The following ZNF536 variants were observed in gnomAD, a reference collection of about 807,000 sequenced individuals.
ZNF536 encodes zinc finger protein 536.
Under a neutral mutation model 84.5 loss-of-function variants are expected in ZNF536, and 13 were observed. The observed-to-expected ratio is 0.15, with a 90% CI of 0.10 to 0.24. ZNF536 has a LOEUF of 0.24. Among genes scored for constraint, ZNF536 ranks in the 10% least tolerant of loss-of-function variants. The probability of loss-of-function intolerance (pLI) is 1.00; values close to 1 mark genes in which losing one functional copy is unlikely to be tolerated. For synonymous variants in ZNF536, 811 were observed against 742.5 expected (o/e 1.09, Z -1.50); for missense variants, 1,536 against 1,747.5 (o/e 0.88, Z 2.16).
intron 3 of ZNF536, among the ~76,000 whole-genome samples, chr19:30,360,927 C>T (rs756886129): frequency 2.0e-5 from 3 of 152,230 alleles, no homozygotes; most frequent in Non-Finnish European, 4.4e-5. Flanking sequence ...ACTGCTGTTT[C>T]CTGTCCTTTA....
At chr19:30,436,810 C>T (rs1295713780) in intron 1 of ZNF536, among the ~76,000 whole-genome samples, 1 of 152,124 alleles carries the variant, frequency 6.6e-6, no homozygotes, top group Non-Finnish European at 1.5e-5. Context: ...ATGGGGTCTG[C>T]CTGTTACTAG....
chr19:30,446,673 G>A lies in ZNF536; in HGVS notation c.2170+941G>A, dbSNP rs1005924397. On this transcript the variant is annotated intron_variant, in intron 2 of 4. Transcript: ENST00000355537. The stretch of plus-strand genomic sequence containing the variant: ...AAGTACAGGCATTTGAAACACAGAC[G>A]CATGACTGTTCTGTCTTAAATTGTA... Among the ~76,000 whole-genome samples the A allele has an allele frequency of 4.6e-5, 7 of 152,152 alleles. No individual in the cohort carries two copies. The South Asian group carries it at 8.3e-4, about 18-fold the overall frequency.
chr19:30,520,700 A>T (rs1200903229), intron 2 of ZNF536, among the ~76,000 whole-genome samples: 1 of 151,318 alleles, frequency 6.6e-6, no homozygotes, highest in Non-Finnish European at 1.5e-5. Context: ...TCCTATGGTG[A>T]CTCCATGACA....
At chr19:30,384,156 C>CTTTCT (rs2049216337) in intron 1 of ZNF536, among the ~76,000 whole-genome samples, 1 of 86,106 alleles carries the variant, frequency 1.2e-5, no homozygotes, top group African/African-American at 5.0e-5. Context: ...TTCTTTCTTT[C>CTTTCT]TTTCTTTCGT....
At chr19:30,563,273 A>T (rs1188486837) in intron 1 of ZNF536, among the ~76,000 whole-genome samples, 1 of 152,156 alleles carries the variant, frequency 6.6e-6, no homozygotes, top group Non-Finnish European at 1.5e-5. Context: ...GATTCTTCCC[A>T]TCCCTGGGGT....
At chr19:30,506,373 T>C (rs1201977612) in intron 2 of ZNF536, among the ~76,000 whole-genome samples, 1 of 152,192 alleles carries the variant, frequency 6.6e-6, no homozygotes, top group African/African-American at 2.4e-5. Context: ...AACAACAAAA[T>C]CTAAGCTAGT....
chr19:30,252,273 A>C (rs1168104584), intron 1 of ZNF536, among the ~76,000 whole-genome samples: 1 of 152,236 alleles, frequency 6.6e-6, no homozygotes, highest in Non-Finnish European at 1.5e-5. Context: ...AAGAATGACC[A>C]TAATAAAAAA....
At chr19:30,453,600 G>A (rs899031020) in intron 2 of ZNF536, among the ~76,000 whole-genome samples, 7 of 152,258 alleles carry the variant, frequency 4.6e-5, no homozygotes, top group South Asian at 2.1e-4. Context: ...AGAACTCAGC[G>A]GCTCAGCTTG....
intron 1 of ZNF536, among the ~76,000 whole-genome samples, chr19:30,376,816 C>A (rs887608562): frequency 6.6e-6 from 1 of 152,246 alleles, no homozygotes; most frequent in Non-Finnish European, 1.5e-5. Context: ...CTGGCTCCCC[C>A]ATTAAAGCAC....
chr19:30,293,078 T>C (rs1433259178), intron 2 of ZNF536, among the ~76,000 whole-genome samples: 3 of 151,932 alleles, frequency 2.0e-5, no homozygotes, highest in African/African-American at 7.3e-5. Context: ...TGTAGATACC[T>C]TTGGCCCACC....
At chr19:30,631,235 C>G (rs1285782710) in intron 1 of ZNF536, among the ~76,000 whole-genome samples, 1 of 152,244 alleles carries the variant, frequency 6.6e-6, no homozygotes, top group Non-Finnish European at 1.5e-5. Context: ...CCGGAGCATT[C>G]AAGCTGAAAT....
At chr19:30,683,934 A>G (rs2051072485) in intron 1 of ZNF536, among the ~76,000 whole-genome samples, 1 of 152,210 alleles carries the variant, frequency 6.6e-6, no homozygotes. Context: ...TCAATCAGTT[A>G]AGAATTCATG....
downstream of ZNF536, among the ~76,000 whole-genome samples, chr19:30,563,004 GGCACTCGT>G (rs1453887989): frequency 6.6e-6 from 1 of 152,168 alleles, no homozygotes; most frequent in Non-Finnish European, 1.5e-5. Context: ...CATCAAATGA[GGCACTCGT>G]GTATCCCTTA....
At chr19:30,659,694 T>C (rs2050048157) in intron 1 of ZNF536, among the ~76,000 whole-genome samples, 1 of 152,134 alleles carries the variant, frequency 6.6e-6, no homozygotes. Context: ...TCACTCACTA[T>C]AAAGAGAACA....
chr19:30,579,609 C>T (rs1029259273), intron 1 of ZNF536, among the ~76,000 whole-genome samples: 4 of 152,162 alleles, frequency 2.6e-5, no homozygotes. Context: ...GCCACAGTCA[C>T]ATGGCCACAC....
downstream of ZNF536, among the ~76,000 whole-genome samples, chr19:30,560,572 A>G (rs1251383428): frequency 6.6e-6 from 1 of 152,128 alleles, no homozygotes; most frequent in Non-Finnish European, 1.5e-5. Flanking sequence ...CCTGGTCTGG[A>G]TAAGAGACCA....
At chr19:30,280,219 T>C (rs1303533453) in intron 1 of ZNF536, among the ~76,000 whole-genome samples, 1 of 151,966 alleles carries the variant, frequency 6.6e-6, no homozygotes, top group African/African-American at 2.4e-5. Context: ...CATCCTCCCT[T>C]CCACCTTCAG....
chr19:30,576,342 G>A (rs969814576), intron 1 of ZNF536, among the ~76,000 whole-genome samples: 5 of 152,136 alleles, frequency 3.3e-5, no homozygotes, highest in East Asian at 3.9e-4. Flanking sequence ...TGCGTCTCCC[G>A]CTCTGTCTCC....
At chr19:30,326,134 C>T (rs1040672687) in intron 2 of ZNF536, among the ~76,000 whole-genome samples, 1 of 152,196 alleles carries the variant, frequency 6.6e-6, no homozygotes, top group East Asian at 1.9e-4. Flanking sequence ...CAGATGGTAA[C>T]CCTTGCTGTG....
Sources: allele counts gnomAD v4.1 joint callset (sites outside exome capture counted in the v4.1 genomes callset), GRCh38; gene constraint gnomAD v4.1.1; transcripts MANE v1.5; gene names NCBI Gene and HGNC (gene_info 2026-07-23, HGNC 2026-07-21).